Variants in RBMS3 observed in about 807,000 individuals in gnomAD.
RBMS3 encodes the protein RNA binding motif single stranded interacting protein 3.
RBMS3 carries 27 observed loss-of-function variants against 66.8 expected under a neutral mutation model. The observed-to-expected ratio is 0.40, with a 90% CI of 0.30 to 0.56. RBMS3 has a LOEUF of 0.56. RBMS3 is among the 20% of genes least tolerant of loss of function. The pLI, the probability that RBMS3 is intolerant of heterozygous loss-of-function variation, is 0.40. For synonymous variants in RBMS3, 188 were observed against 183.0 expected (o/e 1.03, Z -0.22); for missense variants, 513 against 549.5 (o/e 0.93, Z 0.66).
intron 12 of RBMS3, among the ~76,000 whole-genome samples, chr3:29,982,336 G>A (rs1198454402): frequency 1.3e-5 from 2 of 150,352 alleles, no homozygotes; most frequent in Non-Finnish European, 3.0e-5. Context: ...CTGGCTAATA[G>A]TCTATTTTGT....
At chr3:29,940,118 A>G (rs2061355346) in intron 11 of RBMS3, among the ~76,000 whole-genome samples, 1 of 151,868 alleles carries the variant, frequency 6.6e-6, no homozygotes, top group African/African-American at 2.4e-5. Flanking sequence ...TTTCTCTCAT[A>G]GACATTGGTC....
intron 3 of RBMS3, among the ~76,000 whole-genome samples, chr3:29,506,509 T>C (rs1422979162): frequency 1.3e-5 from 2 of 152,080 alleles, no homozygotes; most frequent in Non-Finnish European, 1.5e-5. Context: ...TTTACATCTA[T>C]GTTCATCAGG....
At chr3:29,586,099 A>C (rs2047511373) in intron 3 of RBMS3, among the ~76,000 whole-genome samples, 1 of 152,104 alleles carries the variant, frequency 6.6e-6, no homozygotes, top group South Asian at 2.1e-4. Flanking sequence ...AAATGAGATA[A>C]GTATAAGAAT....
chr3:29,620,389 G>A (rs896235750), intron 4 of RBMS3, among the ~76,000 whole-genome samples: 1 of 151,938 alleles, frequency 6.6e-6, no homozygotes, highest in Non-Finnish European at 1.5e-5. Flanking sequence ...TTTAGCCCCT[G>A]ATTTCTCTTT....
chr3:29,750,410 AT>A (rs1388056117), intron 5 of RBMS3, among the ~76,000 whole-genome samples: 2 of 152,186 alleles, frequency 1.3e-5, no homozygotes, highest in Non-Finnish European at 2.9e-5. Flanking sequence ...AAATTTAATT[AT>A]TTTTATGGCA....
chr3:29,538,490 G>A (rs1258190503), intron 3 of RBMS3, among the ~76,000 whole-genome samples: 1 of 152,232 alleles, frequency 6.6e-6, no homozygotes, highest in African/African-American at 2.4e-5. Context: ...AACTGAGGAA[G>A]TCCCTTAGCA....
At chr3:29,416,853 T>A (rs1008981381) in intron 1 of RBMS3, among the ~76,000 whole-genome samples, 2 of 152,154 alleles carry the variant, frequency 1.3e-5, no homozygotes, top group Non-Finnish European at 2.9e-5. Flanking sequence ...GCAAAATTCA[T>A]CCACATTGTT....
chr3:29,489,428 A>C (rs2043443751), intron 3 of RBMS3, among the ~76,000 whole-genome samples: 1 of 152,136 alleles, frequency 6.6e-6, no homozygotes, highest in African/African-American at 2.4e-5. Flanking sequence ...ACTACATATT[A>C]CAAGACAAAG....
chr3:29,665,772 T>A (rs2050727325), intron 4 of RBMS3, among the ~76,000 whole-genome samples: 1 of 152,202 alleles, frequency 6.6e-6, no homozygotes, highest in African/African-American at 2.4e-5. Flanking sequence ...AAAAATTAAT[T>A]AATTATCACT....
intron 6 of RBMS3, among the ~76,000 whole-genome samples, chr3:29,795,975 A>G (rs1056503585): frequency 6.6e-6 from 1 of 152,258 alleles, no homozygotes; most frequent in African/African-American, 2.4e-5. Context: ...AACAAATCAT[A>G]TAATTCTCTA....
At chr3:29,682,429 A>G (rs562773683) in intron 4 of RBMS3, among the ~76,000 whole-genome samples, 185 of 152,352 alleles carry the variant, frequency 1.2e-3, no homozygotes, top group Non-Finnish European at 2.1e-3. Context: ...CGGGGATGAC[A>G]GGCATGAACC....
At chr3:29,501,899 T>C (rs2043988857) in intron 3 of RBMS3, among the ~76,000 whole-genome samples, 1 of 152,108 alleles carries the variant, frequency 6.6e-6, no homozygotes, top group Admixed American at 6.6e-5. Context: ...AAGAGCTGTG[T>C]AGTCCTCAGA....
At chr3:29,348,087 A>G (rs1157280257) in intron 1 of RBMS3, among the ~76,000 whole-genome samples, 1 of 151,118 alleles carries the variant, frequency 6.6e-6, no homozygotes, top group Admixed American at 6.6e-5. Flanking sequence ...AAGTCTCTTC[A>G]CTGCCTTGTC....
chr3:29,685,085 GT>G (rs1229286607), intron 4 of RBMS3, among the ~76,000 whole-genome samples: 1 of 152,148 alleles, frequency 6.6e-6, no homozygotes, highest in Non-Finnish European at 1.5e-5. Flanking sequence ...TTGAGACGGA[GT>G]CTTGCTCTGT....
In RBMS3 at chr3:29,838,428, A is replaced by G. The variant is rs75839249; in HGVS notation, c.638-30430A>G. On this transcript the variant is annotated intron_variant, in intron 6 of 14. Transcript: ENST00000383767. ...ATAACGCTTTGATTATGATGAGAAC[A>G]CTTGTCTTAAGTGACAATATGTTCT... is the stretch of plus-strand genomic sequence containing the variant. Among the ~76,000 whole-genome samples the G allele has an allele frequency of 5.4e-3, 818 of 152,276 alleles. 9 individuals are homozygous for G. Among genetic ancestry groups the G allele is most frequent in the East Asian group, 0.021 (107 of 5,182 alleles).
chr3:29,663,614 T>A (rs1057474327), intron 4 of RBMS3, among the ~76,000 whole-genome samples: 7 of 152,194 alleles, frequency 4.6e-5, no homozygotes, highest in African/African-American at 1.7e-4. Flanking sequence ...AAGAGGCAAT[T>A]TGGGGAGCTA....
chr3:29,366,278 T>C (rs1379061406), intron 1 of RBMS3, among the ~76,000 whole-genome samples: 5 of 152,232 alleles, frequency 3.3e-5, no homozygotes, highest in African/African-American at 1.2e-4. Context: ...ATCAGTGCCA[T>C]GCAGACATTA....
chr3:29,687,139 C>T (rs1162235797), intron 4 of RBMS3, among the ~76,000 whole-genome samples: 1 of 152,042 alleles, frequency 6.6e-6, no homozygotes, highest in African/African-American at 2.4e-5. Context: ...CCTTCCTTTT[C>T]AGGTCACACT....
At chr3:29,350,093 G>A (rs1004848678) in intron 1 of RBMS3, among the ~76,000 whole-genome samples, 4 of 151,452 alleles carry the variant, frequency 2.6e-5, no homozygotes, top group Non-Finnish European at 4.4e-5. Flanking sequence ...CTGGGAGGCG[G>A]AGGTTGCAGT....
Sources: gnomAD v4.1 joint callset for allele counts (sites outside exome capture counted in the v4.1 genomes callset) on GRCh38, gnomAD v4.1.1 for gene constraint, MANE v1.5 for transcripts, NCBI Gene and HGNC (gene_info 2026-07-23, HGNC 2026-07-21) for gene names.